Variants in DGKI observed in about 807,000 individuals in gnomAD.
DGKI encodes DAG kinase iota.
In DGKI, 55 loss-of-function variants were observed where a neutral mutation model predicts 147.5. The ratio of observed to expected loss-of-function variants is 0.37; its 90% CI spans 0.30 to 0.47. The LOEUF (loss-of-function observed/expected upper bound fraction) is 0.47. Among genes scored for constraint, DGKI ranks in the 20% least tolerant of loss-of-function variants. The probability of loss-of-function intolerance (pLI) is 1.00; values close to 1 mark genes in which losing one functional copy is unlikely to be tolerated. For synonymous variants in DGKI, 469 were observed against 477.1 expected (o/e 0.98, Z 0.22); for missense variants, 1,007 against 1,323.8 (o/e 0.76, Z 3.71).
At chr7:137,575,937 C>T (rs1174681864) in intron 17 of DGKI, among the ~76,000 whole-genome samples, 1 of 151,552 alleles carries the variant, frequency 6.6e-6, no homozygotes, top group Non-Finnish European at 1.5e-5. Flanking sequence ...TTTCATGCTC[C>T]TTATATTTCT....
At chr7:137,528,780 C>G (rs138760376) in intron 20 of DGKI, among the ~76,000 whole-genome samples, 1 of 152,084 alleles carries the variant, frequency 6.6e-6, no homozygotes, top group African/African-American at 2.4e-5. Flanking sequence ...TGATCCTCAC[C>G]AAGCAGTAAG....
chr7:137,476,482 C>G (rs1414564568), intron 23 of DGKI, among the ~76,000 whole-genome samples: 2 of 152,108 alleles, frequency 1.3e-5, no homozygotes, highest in Non-Finnish European at 2.9e-5. Context: ...AAATTTCACT[C>G]AGCCATATAT....
At position 137,463,045 on chromosome 7, in the gene DGKI, G is replaced by C. The variant is rs187824866; in HGVS notation, c.2735+444C>G. ...CAACAAACCCACGTGGCAATATTGGGTACAGCACACATGCACAGGCTCAGG... is the reference window on the plus strand; with the variant it reads ...CAACAAACCCACGTGGCAATATTGGCTACAGCACACATGCACAGGCTCAGG... On this transcript the variant is annotated intron_variant, in intron 27 of 32. Transcript: ENST00000614521. Among the ~76,000 whole-genome samples the C allele has an allele frequency of 2.1e-3, 322 of 152,204 alleles. 2 individuals are homozygous for C. Among genetic ancestry groups the C allele is most frequent in the Non-Finnish European group, 3.8e-3 (256 of 68,024 alleles).
At chr7:137,590,769 T>C (rs1819580638) in intron 12 of DGKI, among the ~76,000 whole-genome samples, 1 of 152,124 alleles carries the variant, frequency 6.6e-6, no homozygotes, top group African/African-American at 2.4e-5. Flanking sequence ...CTCAGCTCAC[T>C]GAAGCGTCTA....
chr7:137,825,659 CACAT>C (rs1340083504), intron 1 of DGKI, among the ~76,000 whole-genome samples: 1 of 151,702 alleles, frequency 6.6e-6, no homozygotes, highest in Non-Finnish European at 1.5e-5. Context: ...CGCACTCACA[CACAT>C]ACACACACTC....
chr7:137,593,960 G>A (rs1294807847), intron 12 of DGKI, among the ~76,000 whole-genome samples: 1 of 152,180 alleles, frequency 6.6e-6, no homozygotes, highest in Non-Finnish European at 1.5e-5. Flanking sequence ...TAAGGAACCT[G>A]CCAAAGGTCA....
chr7:137,574,698 C>T (rs1818911522), intron 17 of DGKI, among the ~76,000 whole-genome samples: 1 of 152,082 alleles, frequency 6.6e-6, no homozygotes, highest in Non-Finnish European at 1.5e-5. Context: ...TTTTTCCCAA[C>T]TTCAAATACA....
intron 1 of DGKI, among the ~76,000 whole-genome samples, chr7:137,784,826 C>T (rs1277940107): frequency 7.2e-5 from 11 of 151,990 alleles, no homozygotes; most frequent in Non-Finnish European, 1.6e-4. Context: ...AAGAACCCCT[C>T]AAAACCATAT....
chr7:137,720,318 T>C (rs529292283), intron 1 of DGKI, among the ~76,000 whole-genome samples: 14 of 138,384 alleles, frequency 1.0e-4, no homozygotes, highest in South Asian at 7.1e-4. Context: ...ACTGCAGTGG[T>C]GCGATCTCGG....
At position 137,495,502 on chromosome 7, in the gene DGKI, C is replaced by CAA. The variant is rs34551145; in HGVS notation, c.2249-7815_2249-7814dup. Among the ~76,000 whole-genome samples the CAA allele has an allele frequency of 5.3e-3, 307 of 57,390 alleles. 21 individuals carry two copies. The highest frequency in any genetic ancestry group is 9.9e-3 in the African/African-American group (174 of 17,586). The allele number at this position is 57,390 out of a possible 152,430, so 37.7% of individuals were successfully genotyped here. Reference sequence around the variant, plus strand: ...TCCTGATACCAAAACCTGGCAGAGACAAAAAAAAAAAAAAAAAAAAAAAAA... The same window carrying CAA: ...TCCTGATACCAAAACCTGGCAGAGACAAAAAAAAAAAAAAAAAAAAAAAAAAA... On this transcript the variant is annotated intron_variant, in intron 21 of 32. Coordinates refer to ENST00000614521, the MANE Select transcript of DGKI (RefSeq NM_001321708.2).
At chr7:137,402,294 T>C (rs1327502131) in intron 30 of DGKI, among the ~76,000 whole-genome samples, 2 of 152,208 alleles carry the variant, frequency 1.3e-5, no homozygotes, top group East Asian at 1.9e-4. Flanking sequence ...AATTGAAATA[T>C]GGATTCAAAA....
intron 1 of DGKI, among the ~76,000 whole-genome samples, chr7:137,711,773 A>G (rs183849373): frequency 7.1e-6 from 1 of 141,746 alleles, no homozygotes; most frequent in East Asian, 2.1e-4. Flanking sequence ...GGCTCACTGC[A>G]ACCTACGCCT....
At chr7:137,531,787 T>C (rs1028259545) in intron 20 of DGKI, among the ~76,000 whole-genome samples, 2 of 152,200 alleles carry the variant, frequency 1.3e-5, no homozygotes, top group Non-Finnish European at 2.9e-5. Flanking sequence ...AGTGTTATGA[T>C]TTGCGTATTT....
intron 29 of DGKI, among the ~76,000 whole-genome samples, chr7:137,408,245 A>G (rs1164596537): frequency 1.3e-5 from 2 of 152,190 alleles, no homozygotes; most frequent in African/African-American, 2.4e-5. Context: ...ATCATGCTGA[A>G]TTACTTTTTT....
intron 3 of DGKI, among the ~76,000 whole-genome samples, chr7:137,665,682 CAAT>C (rs1303278364): frequency 2.0e-5 from 3 of 152,194 alleles, no homozygotes; most frequent in African/African-American, 7.2e-5. Flanking sequence ...TAGGCAGGCT[CAAT>C]TCCATGACCT....
chr7:137,797,314 T>G (rs1797062177), intron 1 of DGKI, among the ~76,000 whole-genome samples: 1 of 152,160 alleles, frequency 6.6e-6, no homozygotes, highest in African/African-American at 2.4e-5. Context: ...ACCCTTCTGC[T>G]AAAATGAAGG....
chr7:137,845,729 AC>A (rs2117125524), intron 1 of DGKI, among the ~76,000 whole-genome samples: 1 of 152,260 alleles, frequency 6.6e-6, no homozygotes, highest in African/African-American at 2.4e-5. Context: ...CTTGTCTTAC[AC>A]ATACACTCAT....
intron 1 of DGKI, among the ~76,000 whole-genome samples, chr7:137,709,367 TA>T (rs1339024146): frequency 6.6e-6 from 1 of 152,126 alleles, no homozygotes; most frequent in Non-Finnish European, 1.5e-5. Context: ...CATTTATATG[TA>T]AACACTTCTG....
intron 1 of DGKI, among the ~76,000 whole-genome samples, chr7:137,762,007 A>G (rs1795869522): frequency 6.6e-6 from 1 of 152,152 alleles, no homozygotes; most frequent in African/African-American, 2.4e-5. Flanking sequence ...ACTTGGTTCC[A>G]CTTCAGTCTC....
Sources: gnomAD v4.1 joint callset for allele counts (sites outside exome capture counted in the v4.1 genomes callset) on GRCh38, gnomAD v4.1.1 for gene constraint, MANE v1.5 for transcripts, NCBI Gene and HGNC (gene_info 2026-07-23, HGNC 2026-07-21) for gene names.